HSPB7: variants seen among roughly 807,000 people sequenced by gnomAD.
HSPB7 encodes the protein heat shock protein beta-7.
In HSPB7, 9 loss-of-function variants were observed where a neutral mutation model predicts 11.0. The observed-to-expected ratio is 0.82, with a 90% CI of 0.49 to 1.43. The LOEUF (loss-of-function observed/expected upper bound fraction) is 1.43. Among genes scored for constraint, HSPB7 ranks in the 40% most tolerant of loss-of-function variants. HSPB7 has a pLI of 0.00. For missense variants in HSPB7, 246 were observed against 243.9 expected (o/e 1.01, Z -0.06); for synonymous variants, 102 against 101.6 (o/e 1.00, Z -0.02).
chr1:16,019,327 C>G, upstream of HSPB7: 1 of 1,423,808 alleles, frequency 7.0e-7, no homozygotes, highest in South Asian at 1.2e-5. Context: ...GTCCAGATGC[C>G]CCCAGCACTG....
chr1:16,019,492 G>T (rs759234616), upstream of HSPB7: 4 of 1,526,090 alleles, frequency 2.6e-6, no homozygotes, highest in Middle Eastern at 3.4e-4. Context: ...TCTTGAAGAC[G>T]GGCAGTTTCT....
At chr1:16,016,323 A>C (rs1378398305) in intron 2 of HSPB7, among the ~76,000 whole-genome samples, 1 of 152,176 alleles carries the variant, frequency 6.6e-6, no homozygotes, top group Non-Finnish European at 1.5e-5. Context: ...GGAAGAAGCC[A>C]GTCCTTGGGG....
intron 1 of HSPB7, 151 bp from the exon 2 acceptor site, chr1:16,017,358 GC>G: frequency 9.8e-7 from 1 of 1,022,604 alleles, no homozygotes; most frequent in Non-Finnish European, 1.4e-6. Flanking sequence ...CATTCCTACA[GC>G]CCACCTTTTC....
At chr1:16,017,614 T>A (rs1401128575) in intron 1 of HSPB7, 151 bp downstream of exon 1, 1 of 663,006 alleles carries the variant, frequency 1.5e-6, no homozygotes, top group Non-Finnish European at 2.6e-6. Flanking sequence ...TCTGTCCCTG[T>A]GGCCACATCT....
In HSPB7 at chr1:16,017,852, C is replaced by G; in HGVS notation, c.112G>C (p.Asp38His). Reference protein sequence around the residue: ...SSASRALPAQDPPMEKALSMF... With the variant: ...SSASRALPAQHPPMEKALSMF... ...CTCAGGGCCTTCTCCATGGGCGGGT[C>G]CTGGGCCGGGAGAGCACGGGAGGCC... is the stretch of plus-strand genomic sequence containing the variant. Residue 38 changes from aspartate (D) to histidine (H), a missense_variant, in exon 1 of 3, where the codon GAC becomes CAC. Transcript: ENST00000311890. 6.2e-7 allele frequency: 1 copy of G among 1,613,932 alleles called. No homozygotes were observed. Among genetic ancestry groups the G allele is most frequent in the Non-Finnish European group, 8.5e-7 (1 of 1,179,912 alleles).
At position 16,015,884 on chromosome 1, in the gene HSPB7, G is replaced by A. The variant is rs1349627419; in HGVS notation, c.334-125C>T. 5.4e-6 allele frequency: 5 copies of A among 925,880 alleles called. No individual in the cohort carries two copies. The highest frequency in any genetic ancestry group is 7.9e-6 in the Non-Finnish European group (5 of 631,106). The allele number at this position is 925,880 out of a possible 1,614,324, so 57.4% of individuals were successfully genotyped here. A position where few individuals can be genotyped will look rare whatever the true frequency, so the allele number is the denominator to read the frequency against. On this transcript the variant is annotated intron_variant, in intron 2 of 2. Coordinates refer to ENST00000311890, the MANE Select transcript of HSPB7 (RefSeq NM_014424.5). The surrounding 1 kb of genome is among the most constrained non-coding windows in gnomAD (Gnocchi z 4.9). ...CACATGCCGAGGGGCTCTGCCCTCA[G>A]GTGCCGAGGGGCTGCCCAGGGTGGT...
chr1:16,018,765 G>T, upstream of HSPB7: 1 of 1,085,460 alleles, frequency 9.2e-7, no homozygotes, highest in Non-Finnish European at 1.1e-6. Flanking sequence ...GAGCGCCTTA[G>T]GTGGGATTTC....
upstream of HSPB7, chr1:16,019,529 G>C: frequency 6.7e-7 from 1 of 1,488,182 alleles, no homozygotes. Context: ...CTACAACCCA[G>C]TCTGGAGCTT....
In HSPB7 at chr1:16,015,554, G is replaced by GC; in HGVS notation, c.*25_*26insG. 1 of 1,610,386 alleles carries GC rather than the reference G, an allele frequency of 6.2e-7. No homozygotes were observed. The highest frequency in any genetic ancestry group is 8.5e-7 in the Non-Finnish European group (1 of 1,176,914). On this transcript the variant is annotated 3_prime_UTR_variant, in exon 3 of 3. Transcript: ENST00000311890. This position sits in a 1 kb window ranked among gnomAD's most constrained non-coding sequence, Gnocchi z 4.9. ...TTTGCTGGCAGGCGTGGGGCGGGGG[G>GC]ACAGGGAAAGGGAAGGGAGAGGCAC... is the stretch of plus-strand genomic sequence containing the variant.
intron 1 of HSPB7, 36 bp downstream of exon 1, chr1:16,017,729 T>C: frequency 6.6e-7 from 1 of 1,514,474 alleles, no homozygotes; most frequent in Non-Finnish European, 8.9e-7. Flanking sequence ...CCCCTCCCTG[T>C]GCACCTCCCC....
At chr1:16,019,283 T>C, upstream of HSPB7, 3 of 1,477,484 alleles carry the variant, frequency 2.0e-6, no homozygotes, top group Non-Finnish European at 2.8e-6. Flanking sequence ...GGGAGGCCTC[T>C]CTGACTGCTC....
chr1:16,017,424 C>T, intron 1 of HSPB7: 1 of 615,940 alleles, frequency 1.6e-6, no homozygotes, highest in Non-Finnish European at 2.8e-6. Context: ...GAGGCTAGGT[C>T]TGTAACAACC....
upstream of HSPB7, chr1:16,018,933 G>A (rs1194663566): frequency 6.1e-5 from 69 of 1,132,348 alleles, no homozygotes; most frequent in Non-Finnish European, 7.5e-5. Context: ...TGTTACGGAC[G>A]GGGAAGCGAA....
At chr1:16,016,974 C>T in intron 2 of HSPB7, 100 bp downstream of exon 2, 1 of 1,271,008 alleles carries the variant, frequency 7.9e-7, no homozygotes, top group Non-Finnish European at 1.1e-6. Flanking sequence ...GGAAGGGACA[C>T]TGGCCAGGGT....
chr1:16,016,228 G>C (rs1427109774), intron 2 of HSPB7, among the ~76,000 whole-genome samples: 3 of 152,218 alleles, frequency 2.0e-5, no homozygotes, highest in Non-Finnish European at 4.4e-5. Context: ...GGCAGGGCTG[G>C]CACATGCTGC....
rs538235428 is a variant in HSPB7, at chr1:16,015,664, C to T, written c.429G>A (p.Glu143=). The T allele has an allele frequency of 1.9e-6, 3 of 1,613,710 alleles. No individual in the cohort carries two copies. The highest frequency in any genetic ancestry group is 2.2e-5 in the East Asian group (1 of 44,876). ...GTGCCCGGATAGTGAGGCTGCCGTC[C>T]TCCCGCAGAGCCGAGGTCACCGACG... ...DPTSVTSALR[E]DGSLTIRARR... is the part of the protein sequence containing the mutation. The change falls in exon 3 of 3, where the codon GAG becomes GAA. Residue 143 remains glutamate, a synonymous_variant. Coordinates refer to ENST00000311890, the MANE Select transcript of HSPB7 (RefSeq NM_014424.5). The surrounding 1 kb of genome is among the most constrained non-coding windows in gnomAD (Gnocchi z 4.9).
upstream of HSPB7, chr1:16,018,276 G>A: frequency 7.4e-7 from 1 of 1,360,414 alleles, no homozygotes; most frequent in Non-Finnish European, 9.7e-7. Context: ...ACTGCACAGG[G>A]CTGGATCCTG....
At chr1:16,018,948 C>G (rs1232327610), upstream of HSPB7, 2 of 1,079,760 alleles carry the variant, frequency 1.9e-6, no homozygotes, top group East Asian at 5.3e-5. Context: ...AGCGAAGCCT[C>G]TTGGAAAGGG....
upstream of HSPB7, chr1:16,018,750 C>T: frequency 9.4e-7 from 1 of 1,060,336 alleles, no homozygotes. Context: ...AGAGGTGATG[C>T]CTGCGAGCGC....
Sources: gnomAD v4.1 joint callset for allele counts (sites outside exome capture counted in the v4.1 genomes callset) on GRCh38, gnomAD v4.1.1 for gene constraint, Gnocchi (gnomAD v3.1) non-coding constraint, MANE v1.5 for transcripts, NCBI Gene and HGNC (gene_info 2026-07-23, HGNC 2026-07-21) for gene names.